Variants in STK32B observed in about 807,000 individuals in gnomAD.
The protein encoded by STK32B is serine/threonine-protein kinase 32B.
STK32B carries 43 observed loss-of-function variants against 52.6 expected under a neutral mutation model. That is an observed-to-expected ratio of 0.82 (90% CI 0.64 to 1.05). STK32B has a LOEUF of 1.05. Among genes scored for constraint, STK32B ranks in the 50% least tolerant of loss-of-function variants. STK32B has a pLI of 0.00. For missense variants in STK32B, 621 were observed against 534.6 expected, an observed-to-expected ratio of 1.16 and a Z score of -1.59; for synonymous variants, 238 against 204.3, an observed-to-expected ratio of 1.17 and a Z score of -1.41.
rs144175094 is a variant in STK32B, at chr4:5,164,490, C to G, written c.109-3809C>G. 9.8e-3 allele frequency among the ~76,000 whole-genome samples: 1,492 copies of G among 152,316 alleles called. 23 individuals carry two copies. Among genetic ancestry groups the G allele is most frequent in the African/African-American group, 0.033 (1,354 of 41,564 alleles). On this transcript the variant is annotated intron_variant, in intron 2 of 11. Coordinates refer to ENST00000282908, the MANE Select transcript of STK32B (RefSeq NM_018401.3). ...ACCCCTATCCAAATAAGAGCACTGT[C>G]TTAGTCCGCCTGGGCTGCTATCACA...
At chr4:5,326,371 G>A (rs1424370444) in intron 3 of STK32B, among the ~76,000 whole-genome samples, 1 of 151,476 alleles carries the variant, frequency 6.6e-6, no homozygotes, top group Non-Finnish European at 1.5e-5. Context: ...TCAAAGTAAA[G>A]TAGCTTAATT....
chr4:5,169,049 G>A (rs940826727), intron 3 of STK32B, among the ~76,000 whole-genome samples: 2 of 152,052 alleles, frequency 1.3e-5, no homozygotes, highest in South Asian at 2.1e-4. Context: ...AAACACTCAC[G>A]TCCCCTTCTC....
chr4:5,100,719 C>T (rs200091575), intron 1 of STK32B, among the ~76,000 whole-genome samples: 9 of 38,932 alleles, frequency 2.3e-4, no homozygotes, highest in African/African-American at 5.8e-4. Context: ...TCTTCCTTCC[C>T]TCCTTCCCTT....
At chr4:5,468,786 G>A in intron 11 of STK32B, among the ~76,000 whole-genome samples, 1 of 152,108 alleles carries the variant, frequency 6.6e-6, no homozygotes, top group South Asian at 2.1e-4. Flanking sequence ...GAGGAGGCCG[G>A]GCGCGGTGGC....
At chr4:5,316,223 T>A (rs866446385) in intron 3 of STK32B, among the ~76,000 whole-genome samples, 1,163 of 71,570 alleles carry the variant, frequency 0.016, 55 homozygotes, top group South Asian at 0.066. Flanking sequence ...ACATAATATA[T>A]TATATATACA....
Position 5,395,019 on chromosome 4 carries a change from GT to G in STK32B, c.435-3186del, listed in dbSNP as rs1413574858. On this transcript the variant is annotated intron_variant, in intron 4 of 11. Coordinates refer to ENST00000282908, the MANE Select transcript of STK32B (RefSeq NM_018401.3). The surrounding 1 kb of genome is among the most constrained non-coding windows in gnomAD (Gnocchi z 4.4). ...ACTCCTTTCTGGAACATGGGGTGGGGTTCTCTCCCAGGCTCTTGTGGTTGTT... is the reference window on the plus strand; with the variant it reads ...ACTCCTTTCTGGAACATGGGGTGGGGTCTCTCCCAGGCTCTTGTGGTTGTT... 1.3e-5 allele frequency among the ~76,000 whole-genome samples: 2 copies of G among 152,176 alleles called. No individual in the cohort carries two copies. The highest frequency in any genetic ancestry group is 2.9e-5 in the Non-Finnish European group (2 of 68,034).
the STK32B span, among the ~76,000 whole-genome samples, chr4:5,021,708 G>A: frequency 2.8e-3 from 433 of 152,322 alleles, 2 homozygotes; most frequent in Middle Eastern, 0.01. Context: ...CCGCAATACC[G>A]TGTGTGGTTA....
intron 3 of STK32B, among the ~76,000 whole-genome samples, chr4:5,259,161 C>A (rs557742445): frequency 5.3e-5 from 8 of 152,124 alleles, no homozygotes; most frequent in African/African-American, 1.9e-4. Flanking sequence ...ACCCACACAC[C>A]TCCTCTATTT....
At chr4:5,332,498 A>G (rs1377140567) in intron 4 of STK32B, among the ~76,000 whole-genome samples, 2 of 151,930 alleles carry the variant, frequency 1.3e-5, no homozygotes, top group East Asian at 2.0e-4. Context: ...TTTTTGTTTT[A>G]TTTTATTATT....
At chr4:5,271,727 G>C (rs113133742) in intron 3 of STK32B, among the ~76,000 whole-genome samples, 10 of 145,718 alleles carry the variant, frequency 6.9e-5, no homozygotes, top group African/African-American at 2.8e-4. Context: ...CACATCCCTT[G>C]TAAGTTGGAT....
At chr4:5,375,207 G>A (rs1452990263) in intron 4 of STK32B, among the ~76,000 whole-genome samples, 2 of 151,870 alleles carry the variant, frequency 1.3e-5, no homozygotes, top group Non-Finnish European at 2.9e-5. Context: ...CCCCCACTCT[G>A]TCTGCTGCAT....
intron 3 of STK32B, chr4:5,203,988 A>G (rs917686903): frequency 6.6e-6 from 1 of 152,198 alleles, no homozygotes; most frequent in African/African-American, 2.4e-5. Context: ...CCATAGCACA[A>G]AGTCATAATG....
At chr4:5,486,181 C>T (rs1395311157) in intron 11 of STK32B, among the ~76,000 whole-genome samples, 2 of 152,182 alleles carry the variant, frequency 1.3e-5, no homozygotes, top group African/African-American at 2.4e-5. Context: ...CCCATGCCCC[C>T]AGAGGTGGAG....
chr4:5,375,470 A>G (rs1048707768), intron 4 of STK32B, among the ~76,000 whole-genome samples: 2 of 151,954 alleles, frequency 1.3e-5, no homozygotes, highest in African/African-American at 4.8e-5. Flanking sequence ...CTGCTTTCTG[A>G]GAAATTTTCT....
chr4:5,422,985 C>T (rs943476364), intron 6 of STK32B, among the ~76,000 whole-genome samples: 1 of 152,088 alleles, frequency 6.6e-6, no homozygotes, highest in Admixed American at 6.5e-5. Context: ...GAAGGGAGAA[C>T]TTGGCAGCTC....
At chr4:5,091,140 A>G (rs1713057931) in intron 1 of STK32B, among the ~76,000 whole-genome samples, 2 of 152,226 alleles carry the variant, frequency 1.3e-5, no homozygotes, top group Admixed American at 6.5e-5. Context: ...TTACCCTGAT[A>G]TCAATGCCAG....
intron 1 of STK32B, among the ~76,000 whole-genome samples, chr4:5,102,148 C>A (rs1325158101): frequency 3.3e-5 from 5 of 152,190 alleles, no homozygotes; most frequent in East Asian, 1.9e-4. Flanking sequence ...AGCCCTCTGA[C>A]CTCGGGCAAG....
intron 11 of STK32B, among the ~76,000 whole-genome samples, chr4:5,495,445 C>G (rs551374149): frequency 1.3e-5 from 2 of 152,256 alleles, no homozygotes; most frequent in East Asian, 3.9e-4. Context: ...TTAAGCACTT[C>G]TCTCTATTGG....
At chr4:5,388,077 A>G (rs1471537065) in intron 4 of STK32B, among the ~76,000 whole-genome samples, 1 of 152,138 alleles carries the variant, frequency 6.6e-6, no homozygotes, top group Non-Finnish European at 1.5e-5. Context: ...GACCATGGAG[A>G]AGTCGCTTCA....
Sources: allele counts gnomAD v4.1 joint callset (sites outside exome capture counted in the v4.1 genomes callset), GRCh38; gene constraint gnomAD v4.1.1; non-coding constraint Gnocchi (gnomAD v3.1); transcripts MANE v1.5; gene names NCBI Gene and HGNC (gene_info 2026-07-23, HGNC 2026-07-21).